The following CDON variants were observed in gnomAD, a reference collection of about 807,000 sequenced individuals.
CDON encodes cell adhesion molecule-related/down-regulated by oncogenes.
CDON carries 73 observed loss-of-function variants against 120.9 expected under a neutral mutation model. The observed-to-expected ratio is 0.60, with a 90% CI of 0.50 to 0.73. The LOEUF is 0.73. Among genes scored for constraint, CDON ranks in the 30% least tolerant of loss-of-function variants. The pLI is 0.00. For missense variants in CDON, 1,470 were observed against 1,587.3 expected (o/e 0.93, Z 1.26); for synonymous variants, 566 against 573.5 (o/e 0.99, Z 0.19).
chr11:125,964,164 TAC>T (rs1209248685), intron 18 of CDON, among the ~76,000 whole-genome samples: 23 of 152,252 alleles, frequency 1.5e-4, no homozygotes, highest in African/African-American at 5.5e-4. Context: ...GCATGGAATC[TAC>T]AGACTCTAAA....
At position 125,986,299 on chromosome 11, in the gene CDON, G is replaced by C. The variant is rs368538706; in HGVS notation, c.2774-2206C>G. Among the ~76,000 whole-genome samples the C allele has an allele frequency of 5.8e-4, 88 of 152,244 alleles. 2 individuals carry two copies. The highest frequency in any genetic ancestry group is 2.0e-3 in the African/African-American group (84 of 41,540). ...ACATCACACACTGGGGCCTGTCATG[G>C]GGGGAGGGGATGTGGGAGGGGTAGC... is the stretch of plus-strand genomic sequence containing the variant. On this transcript the variant is annotated intron_variant, in intron 15 of 19. Coordinates refer to ENST00000531738, the MANE Select transcript of CDON (RefSeq NM_001378964.1).
At chr11:126,054,431 A>G (rs369100317) in intron 1 of CDON, among the ~76,000 whole-genome samples, 1 of 152,352 alleles carries the variant, frequency 6.6e-6, no homozygotes, top group Admixed American at 6.5e-5. Context: ...ATGTCCCAGC[A>G]TCTTCAATAT....
At chr11:125,990,510 C>T (rs1946605858) in intron 14 of CDON, among the ~76,000 whole-genome samples, 1 of 152,202 alleles carries the variant, frequency 6.6e-6, no homozygotes, top group Non-Finnish European at 1.5e-5. Context: ...CTGTGACAAT[C>T]TTTCATAAGC....
intron 1 of CDON, among the ~76,000 whole-genome samples, chr11:126,049,885 C>T (rs1446143596): frequency 2.0e-5 from 3 of 152,256 alleles, no homozygotes; most frequent in Admixed American, 6.5e-5. Flanking sequence ...ACACAAATAA[C>T]GAACTAAAAC....
chr11:126,001,828 G>GT lies in CDON; in HGVS notation c.2048dup (p.Asn683LysfsTer13). ...CCACGGGTGGAGAGGATGCCTGGGT[G>GT]TTTTTTGATGACGCTGTTTTTTCTA... On this transcript the variant is annotated frameshift_variant, in exon 11 of 20. Coordinates refer to ENST00000531738, the MANE Select transcript of CDON (RefSeq NM_001378964.1). LOFTEE classifies it high-confidence loss of function. 1.2e-6 allele frequency: 2 copies of GT among 1,605,574 alleles called. No individual in the cohort carries two copies. Among genetic ancestry groups the GT allele is most frequent in the Non-Finnish European group, 1.7e-6 (2 of 1,172,172 alleles).
rs1390129216 is a variant in CDON at position 125,958,646 on chromosome 11, A to C, written c.*2296T>G. 6.6e-6 allele frequency: 1 copy of C among 151,638 alleles called. No homozygotes were observed. Among genetic ancestry groups the C allele is most frequent in the Non-Finnish European group, 1.5e-5 (1 of 67,912 alleles). 9.4% of individuals were successfully genotyped at this position (151,638 alleles called of 1,614,324 possible). A position where few individuals can be genotyped will look rare whatever the true frequency, so the allele number is the denominator to read the frequency against. ...ATATAAAGGCATTTTTTATAAATAA[A>C]ATACAATAAAAAGAATAACACTTAA... On this transcript the variant is annotated 3_prime_UTR_variant, in exon 20 of 20. Transcript: ENST00000531738.
chr11:126,047,363 GCT>G (rs1183503916), intron 1 of CDON, among the ~76,000 whole-genome samples: 2 of 152,032 alleles, frequency 1.3e-5, no homozygotes, highest in South Asian at 2.1e-4. Context: ...TCCCCTAACT[GCT>G]CTCTTTCCCA....
chr11:125,960,990 A>G lies in CDON; in HGVS notation c.3747T>C (p.Ile1249=). ...AEKTMWSPPG[I]PLDSPTEVLQ... ...GGACCTCTGTCGGGCTGTCTAAAGG[A>G]ATGCCAGGTGGAGACCACATTGTCT... Residue 1249 remains isoleucine, a synonymous_variant, in exon 20 of 20, where the codon ATT becomes ATC. Coordinates refer to ENST00000531738, the MANE Select transcript of CDON (RefSeq NM_001378964.1). 1 of 1,614,174 alleles carries G rather than the reference A, an allele frequency of 6.2e-7. No homozygotes were observed. The highest frequency in any genetic ancestry group is 1.3e-5 in the African/African-American group (1 of 75,044).
chr11:125,984,776 A>G (rs540656249), intron 15 of CDON, among the ~76,000 whole-genome samples: 1 of 152,286 alleles, frequency 6.6e-6, no homozygotes, highest in South Asian at 2.1e-4. Context: ...GAGCTAAACA[A>G]GACTCAGGAT....
intron 15 of CDON, 129 bp downstream of exon 15, chr11:125,989,508 C>G: frequency 1.1e-6 from 1 of 884,132 alleles, no homozygotes; most frequent in Admixed American, 1.7e-5. Context: ...TGCACTCCAG[C>G]CTGGGTGACA....
intron 1 of CDON, among the ~76,000 whole-genome samples, chr11:126,057,027 T>C (rs1199147947): frequency 1.3e-5 from 2 of 152,210 alleles, no homozygotes; most frequent in African/African-American, 4.8e-5. Context: ...ATGGTCCTTT[T>C]CCCCTATTTT....
intron 1 of CDON, among the ~76,000 whole-genome samples, chr11:126,046,732 G>A (rs1948416855): frequency 6.6e-6 from 1 of 151,912 alleles, no homozygotes; most frequent in Admixed American, 6.6e-5. Context: ...ACTTATCCTG[G>A]CCAGCTAGAA....
At position 125,997,326 on chromosome 11, in the gene CDON, C is replaced by G; in HGVS notation, c.2243G>C (p.Gly748Ala). 1 of 1,613,970 alleles carries G rather than the reference C, an allele frequency of 6.2e-7. No homozygotes were observed. The highest frequency in any genetic ancestry group is 8.5e-7 in the Non-Finnish European group (1 of 1,179,888). ...YVTWIPRANG[G>A]SPITAFKVEY... is the part of the protein sequence containing the mutation. The stretch of plus-strand genomic sequence containing the variant: ...GACTTTGAAGGCAGTGATTGGAGAA[C>G]CCCCGTTTGCCCGAGGAATCCAAGT... Residue 748 changes from glycine to alanine, a missense_variant, in exon 12 of 20, where the codon GGT (glycine) becomes GCT (alanine). Physicochemically the swap from Gly to Ala is moderately conservative, Grantham distance 60 (BLOSUM62 0). Transcript: ENST00000531738.
chr11:125,989,816 A>G (rs1946579356), intron 14 of CDON, 57 bp from the exon 15 acceptor site: 1 of 1,518,862 alleles, frequency 6.6e-7, no homozygotes, highest in African/African-American at 1.4e-5. Context: ...TAATGTCAAT[A>G]TAATTAGTTA....
At chr11:125,996,127 A>G (rs1451054990) in intron 12 of CDON, among the ~76,000 whole-genome samples, 2 of 151,306 alleles carry the variant, frequency 1.3e-5, no homozygotes, top group Non-Finnish European at 2.9e-5. Context: ...TTTGTCAAAT[A>G]ACAAGCAATT....
At chr11:126,032,850 A>C (rs1441862166) in intron 1 of CDON, among the ~76,000 whole-genome samples, 4 of 152,112 alleles carry the variant, frequency 2.6e-5, no homozygotes, top group Admixed American at 1.3e-4. Context: ...TCTACCAAAA[A>C]TACAAAAATT....
chr11:125,991,348 G>A (rs1565509529), intron 14 of CDON, among the ~76,000 whole-genome samples: 1 of 152,058 alleles, frequency 6.6e-6, no homozygotes, highest in Non-Finnish European at 1.5e-5. Context: ...TGATTAATAG[G>A]CAATTATTTT....
At position 126,010,632 on chromosome 11, in the gene CDON, A is replaced by C. The variant is rs1209540895; in HGVS notation, c.1261T>G (p.Phe421Val). The change falls in exon 8 of 20, where the codon TTT (phenylalanine) becomes GTT (valine). Residue 421 changes from phenylalanine (F) to valine (V), a missense_variant. Transcript: ENST00000531738. ...CTGGCATTGCAGGACAGAGTAACAA[A>C]GTCTCCGTCTGCAACCTTTGCACTT... ...PVSAKVADGD[F>V]VTLSCNASGL... 9.3e-6 allele frequency: 15 copies of C among 1,614,174 alleles called. No homozygotes were observed. In the East Asian group the frequency reaches 3.1e-4, roughly 34 times the overall value.
intron 7 of CDON, among the ~76,000 whole-genome samples, chr11:126,012,795 C>T (rs986342251): frequency 6.6e-6 from 1 of 152,154 alleles, no homozygotes; most frequent in Non-Finnish European, 1.5e-5. Context: ...ATAGGACATA[C>T]AACAGCCATC....
Sources: allele counts gnomAD v4.1 joint callset (sites outside exome capture counted in the v4.1 genomes callset), GRCh38; gene constraint gnomAD v4.1.1; transcripts MANE v1.5; gene names NCBI Gene and HGNC (gene_info 2026-07-23, HGNC 2026-07-21).